DNM1L: variants seen among roughly 807,000 people sequenced by gnomAD.
DNM1L encodes dynamin 1L.
In DNM1L, 33 loss-of-function variants were observed where a neutral mutation model predicts 92.8. The ratio of observed to expected loss-of-function variants is 0.36; its 90% CI spans 0.27 to 0.48. The LOEUF is 0.48. Ranked by LOEUF, DNM1L falls within the 20% of genes least tolerant of loss-of-function variation. The pLI is 0.99. For synonymous variants in DNM1L, 284 were observed against 305.0 expected, an observed-to-expected ratio of 0.93 and a Z score of 0.72; for missense variants, 485 against 888.8, an observed-to-expected ratio of 0.55 and a Z score of 5.78.
chr12:32,717,930 T>TTA lies in DNM1L; in HGVS notation c.620-702_620-701dup, dbSNP rs575736324. 2.9e-4 allele frequency among the ~76,000 whole-genome samples: 23 copies of TTA among 80,248 alleles called. 1 individual carries two copies. The highest frequency in any genetic ancestry group is 1.2e-3 in the African/African-American group (22 of 17,696). 52.6% of individuals were successfully genotyped at this position (80,248 alleles called of 152,430 possible). ...ATATATATAAAATATAGTATATATT[T>TTA]TATATATATATAAAATATAGTATAT... On this transcript the variant is annotated intron_variant, in intron 6 of 19. Coordinates refer to ENST00000549701, the MANE Select transcript of DNM1L (RefSeq NM_012062.5).
In DNM1L at chr12:32,737,826, T is replaced by A. The variant is rs766703543; in HGVS notation, c.1597-39T>A. The stretch of plus-strand genomic sequence containing the variant: ...GAATGTTCCTGAATGCATTTTTGCA[T>A]CCTTGATTTTTTTTCCCCCCTGGAT... On this transcript the variant is annotated intron_variant, in intron 14 of 19. Transcript: ENST00000549701. The A allele has an allele frequency of 2.0e-6, 3 of 1,531,130 alleles. No individual in the cohort carries two copies. The East Asian group carries it at 6.7e-5, about 34-fold the overall frequency. The allele number at this position is 1,531,130 out of a possible 1,614,324, so 94.8% of individuals were successfully genotyped here. A position where few individuals can be genotyped will look rare whatever the true frequency, so the allele number is the denominator to read the frequency against.
At chr12:32,694,542 TA>T (rs1952359655) in intron 1 of DNM1L, among the ~76,000 whole-genome samples, 1 of 152,236 alleles carries the variant, frequency 6.6e-6, no homozygotes, top group East Asian at 1.9e-4. Flanking sequence ...ATAACTTTTA[TA>T]AGACTAAACA....
chr12:32,705,960 A>G (rs1452653566), intron 2 of DNM1L: 6 of 1,163,528 alleles, frequency 5.2e-6, no homozygotes, highest in Non-Finnish European at 7.0e-6. Context: ...TTTTTCTTCC[A>G]TTTTTATTTG....
At chr12:32,688,388 T>C (rs1339853591) in intron 1 of DNM1L, among the ~76,000 whole-genome samples, 1 of 152,228 alleles carries the variant, frequency 6.6e-6, no homozygotes, top group African/African-American at 2.4e-5. Context: ...CACTTTATCT[T>C]ACTGCCTCTG....
chr12:32,731,746 G>A lies in DNM1L; in HGVS notation c.1357-108G>A. On this transcript the variant is annotated intron_variant, in intron 11 of 19. Coordinates refer to ENST00000549701, the MANE Select transcript of DNM1L (RefSeq NM_012062.5). This position sits in a 1 kb window ranked among gnomAD's most constrained non-coding sequence, Gnocchi z 5.1. ...TAGCCTGGCATGGTGGCTTCTACAT[G>A]TAGTCTCAGCTACTTGGGAGGCTAA... The A allele has an allele frequency of 9.7e-7, 1 of 1,027,538 alleles. No homozygotes were observed. Among genetic ancestry groups the A allele is most frequent in the Non-Finnish European group, 1.5e-6 (1 of 671,258 alleles). The allele number at this position is 1,027,538 out of a possible 1,614,324, so 63.7% of individuals were successfully genotyped here.
Position 32,743,343 on chromosome 12 carries a change from C to T in DNM1L, c.2155-11C>T, listed in dbSNP as rs753505498. The T allele has an allele frequency of 4.7e-5, 75 of 1,612,748 alleles. No homozygotes were observed. The highest frequency in any genetic ancestry group is 6.2e-5 in the Non-Finnish European group (73 of 1,179,670). ...TAATAAGCATTTAAAATTTTTTTTC[C>T]TTTAATGCAGGCATTACAAGGAGCC... On this transcript the variant is annotated splice_polypyrimidine_tract_variant and intron_variant, in intron 19 of 19. Coordinates refer to ENST00000549701, the MANE Select transcript of DNM1L (RefSeq NM_012062.5).
intron 14 of DNM1L, 32 bp downstream of exon 14, chr12:32,737,193 T>C (rs1414934319): frequency 1.9e-6 from 3 of 1,605,882 alleles, no homozygotes; most frequent in Non-Finnish European, 1.7e-6. Flanking sequence ...ATATTCCCAA[T>C]ACCTAAAGAT....
At position 32,742,575 on chromosome 12, in the gene DNM1L, G is replaced by A. The variant is rs1955385002; in HGVS notation, c.1995-14G>A. On this transcript the variant is annotated splice_polypyrimidine_tract_variant and intron_variant, in intron 18 of 19. Transcript: ENST00000549701. The stretch of plus-strand genomic sequence containing the variant: ...ATTTTGGCTAAAATTCCATAATTTG[G>A]TTGTGTTTTGCAGTGTGCCAAAGGC... 1.9e-6 allele frequency: 3 copies of A among 1,613,968 alleles called. No homozygotes were observed. The highest frequency in any genetic ancestry group is 2.5e-6 in the Non-Finnish European group (3 of 1,179,936).
intron 5 of DNM1L, among the ~76,000 whole-genome samples, chr12:32,712,226 C>T (rs1417447651): frequency 6.6e-6 from 1 of 152,062 alleles, no homozygotes; most frequent in African/African-American, 2.4e-5. Flanking sequence ...GACTTAAAAC[C>T]TCTCCCATTT....
At chr12:32,698,380 C>T in intron 1 of DNM1L, among the ~76,000 whole-genome samples, 1 of 152,186 alleles carries the variant, frequency 6.6e-6, no homozygotes, top group East Asian at 1.9e-4. Flanking sequence ...GAGCCTTGGG[C>T]TGGCTGGCTG....
At chr12:32,722,869 T>A (rs908862920) in intron 9 of DNM1L, 1 of 166,084 alleles carries the variant, frequency 6.0e-6, no homozygotes, top group African/African-American at 2.6e-5. Flanking sequence ...TTTATAAGTA[T>A]TTACTTATTT....
intron 9 of DNM1L, among the ~76,000 whole-genome samples, chr12:32,729,492 A>AT (rs1283423932): frequency 2.6e-5 from 4 of 152,038 alleles, no homozygotes; most frequent in African/African-American, 9.7e-5. Context: ...GCCTCACTTT[A>AT]TTGCCGAGGC....
chr12:32,716,411 T>C (rs1223762321), intron 6 of DNM1L, among the ~76,000 whole-genome samples: 1 of 152,170 alleles, frequency 6.6e-6, no homozygotes, highest in Non-Finnish European at 1.5e-5. Context: ...CACGGCTCAC[T>C]GCAGCCTTGA....
At chr12:32,686,466 C>T (rs115399895) in intron 1 of DNM1L, among the ~76,000 whole-genome samples, 1,679 of 152,170 alleles carry the variant, frequency 0.011, 26 homozygotes, top group African/African-American at 0.039. Flanking sequence ...GCTGTCACTC[C>T]CTCTTCTTTC....
At chr12:32,688,164 A>G (rs1952100119) in intron 1 of DNM1L, among the ~76,000 whole-genome samples, 1 of 152,130 alleles carries the variant, frequency 6.6e-6, no homozygotes, top group South Asian at 2.1e-4. Flanking sequence ...ACCTCAGGTG[A>G]TCTGCCCACC....
chr12:32,720,938 T>G, intron 8 of DNM1L, 143 bp downstream of exon 8: 3 of 1,002,324 alleles, frequency 3.0e-6, no homozygotes, highest in Non-Finnish European at 4.4e-6. Context: ...TCCTGAAGAG[T>G]AGATGTCTCT....
At chr12:32,735,498 T>C (rs762846371) in intron 13 of DNM1L, among the ~76,000 whole-genome samples, 1 of 152,194 alleles carries the variant, frequency 6.6e-6, no homozygotes, top group Non-Finnish European at 1.5e-5. Flanking sequence ...TCTATACTTT[T>C]ATTATCTGTT....
chr12:32,724,591 A>ATATATATATAT (rs767664262), intron 9 of DNM1L, among the ~76,000 whole-genome samples: 1 of 68,884 alleles, frequency 1.5e-5, no homozygotes, highest in African/African-American at 5.5e-5. Context: ...AAAAAAAAAA[A>ATATATATATAT]AAATATATAT....
chr12:32,724,609 T>A (rs1356448757), intron 9 of DNM1L, among the ~76,000 whole-genome samples: 2 of 140,654 alleles, frequency 1.4e-5, no homozygotes, highest in African/African-American at 2.6e-5. Context: ...TATATATATA[T>A]ATATATATAT....
Sources: gnomAD v4.1 joint callset for allele counts (sites outside exome capture counted in the v4.1 genomes callset) on GRCh38, gnomAD v4.1.1 for gene constraint, Gnocchi (gnomAD v3.1) non-coding constraint, MANE v1.5 for transcripts, NCBI Gene and HGNC (gene_info 2026-07-23, HGNC 2026-07-21) for gene names.